IGFN1: variants seen among roughly 807,000 people sequenced by gnomAD.
IGFN1 encodes immunoglobulin like and fibronectin type III domain containing 1, also known as immunoglobulin-like and fibronectin type III domain-containing protein 1.
In IGFN1, 253 loss-of-function variants were observed where a neutral mutation model predicts 289.5. That is an observed-to-expected ratio of 0.87 (90% CI 0.79 to 0.97). IGFN1 has a LOEUF of 0.97. Among genes scored for constraint, IGFN1 ranks in the 50% least tolerant of loss-of-function variants. The pLI is 0.00. For missense variants in IGFN1, 4,470 were observed against 4,686.1 expected (o/e 0.95, Z 1.35); for synonymous variants, 1,706 against 1,788.5 (o/e 0.95, Z 1.16).
chr1:201,213,283 A>T lies in IGFN1; in HGVS notation c.8390A>T (p.Asp2797Val), dbSNP rs1667925460. 3 of 1,558,078 alleles carry T rather than the reference A, an allele frequency of 1.9e-6. No homozygotes were observed. Among genetic ancestry groups the T allele is most frequent in the African/African-American group, 2.7e-5 (2 of 73,352 alleles). The change falls in exon 12 of 24, where the codon GAT becomes GTT. Residue 2797 changes from aspartate (D) to valine (V), a missense_variant. Asp to Val is a radical substitution (Grantham distance 152, BLOSUM62 -3). This residue lies in a region of IGFN1 where 2,218 missense variants were observed against 2,114.1 expected (regional missense o/e 1.05). Coordinates refer to ENST00000335211, the MANE Select transcript of IGFN1 (RefSeq NM_001164586.2). ...EVQGPGALKE[D>V]EGQGVEEAGR... The stretch of plus-strand genomic sequence containing the variant: ...CAGGGTCCTGGGGCCCTAAAGGAGG[A>T]TGAAGGGCAGGGAGTGGAAGAGGCT...
At chr1:201,205,918 C>G (rs757120147) in intron 11 of IGFN1, among the ~76,000 whole-genome samples, 165 bp from the exon 12 acceptor site, 1 of 152,196 alleles carries the variant, frequency 6.6e-6, no homozygotes, top group Non-Finnish European at 1.5e-5. Context: ...AACACCCTGG[C>G]TTCCTTCCCA....
At position 201,212,395 on chromosome 1, in the gene IGFN1, G is replaced by T. The variant is rs1667862500; in HGVS notation, c.7502G>T (p.Gly2501Val). 1 of 1,536,852 alleles carries T rather than the reference G, an allele frequency of 6.5e-7. No individual in the cohort carries two copies. The highest frequency in any genetic ancestry group is 2.0e-5 in the Admixed American group (1 of 50,964). The change falls in exon 12 of 24, where the codon GGG becomes GTG. Residue 2501 changes from glycine to valine, a missense_variant. Gly to Val is a moderately radical substitution (Grantham distance 109). Transcript: ENST00000335211. ...KEWQDSSGTPGSSRDRGAPRV... is the reference protein window; with the variant it reads ...KEWQDSSGTPVSSRDRGAPRV... ...TGGCAAGACAGTTCTGGGACTCCAGGGTCTTCTAGAGACAGAGGGGCTCCC... is the reference window on the plus strand; with the variant it reads ...TGGCAAGACAGTTCTGGGACTCCAGTGTCTTCTAGAGACAGAGGGGCTCCC...
rs201805154 is a variant in IGFN1, at chr1:201,205,140, C to T, written c.975C>T (p.Asp325=). 7.9e-4 allele frequency: 1,226 copies of T among 1,550,920 alleles called. 3 individuals are homozygous for T. Among genetic ancestry groups the T allele is most frequent in the South Asian group, 1.4e-3 (118 of 84,058 alleles). ...AGACCCACTGTGAGGAGCAGGGTGA[C>T]GCAGTCTTTGAATGTACCCTCTCCA... The part of the protein sequence containing the change: ...LAETHCEEQG[D]AVFECTLSSP... The change falls in exon 11 of 24, where the codon GAC becomes GAT. Residue 325 remains aspartate, a synonymous_variant. Coordinates refer to ENST00000335211, the MANE Select transcript of IGFN1 (RefSeq NM_001164586.2).
At chr1:201,227,390 C>G (rs551229332) in intron 23 of IGFN1, among the ~76,000 whole-genome samples, 182 bp downstream of exon 23, 2 of 151,376 alleles carry the variant, frequency 1.3e-5, no homozygotes, top group South Asian at 4.2e-4. Context: ...CACATGTGGT[C>G]TTTATTTGCC....
Position 201,195,705 on chromosome 1 carries a change from G to C in IGFN1, c.128-134G>C, listed in dbSNP as rs561332843. On this transcript the variant is annotated intron_variant, in intron 3 of 23. Coordinates refer to ENST00000335211, the MANE Select transcript of IGFN1 (RefSeq NM_001164586.2). ...CTGAGTCCTGAGTCAAGGGGACCAA[G>C]GCCTGGCATCCTTTTTGGAAGGGGC... 4 of 957,810 alleles carry C rather than the reference G, an allele frequency of 4.2e-6. No individual in the cohort carries two copies. In the African/African-American group the frequency reaches 6.6e-5, roughly 16 times the overall value. 59.3% of individuals were successfully genotyped at this position (957,810 alleles called of 1,614,324 possible). A position where few individuals can be genotyped will look rare whatever the true frequency, so the allele number is the denominator to read the frequency against.
In IGFN1 at chr1:201,217,478, T is replaced by G. The variant is rs543070670; in HGVS notation, c.9769+18T>G. 5 of 1,613,242 alleles carry G rather than the reference T, an allele frequency of 3.1e-6. No homozygotes were observed. In the East Asian group the frequency reaches 8.9e-5, roughly 29 times the overall value. On this transcript the variant is annotated intron_variant, in intron 17 of 23. Coordinates refer to ENST00000335211, the MANE Select transcript of IGFN1 (RefSeq NM_001164586.2). Reference sequence around the variant, plus strand: ...GGTGCCTGGTGAGCATTGTCCTGGCTTCCAGAGCTTCCTTAGACCCCTCCT... The same window carrying G: ...GGTGCCTGGTGAGCATTGTCCTGGCGTCCAGAGCTTCCTTAGACCCCTCCT...
Position 201,225,954 on chromosome 1 carries a change from A to C in IGFN1, c.10617A>C (p.Ser3539=). Residue 3539 remains serine (S), a synonymous_variant, in exon 22 of 24, where the codon TCA becomes TCC. Transcript: ENST00000335211. The stretch of plus-strand genomic sequence containing the variant: ...ACTACGCGGTGTTCACACGCTCCTC[A>C]GCGCACGGTCCCTGGCACGAGGCAG... The part of the protein sequence containing the change: ...PLHYAVFTRS[S]AHGPWHEAAD... 1 of 1,595,082 alleles carries C rather than the reference A, an allele frequency of 6.3e-7. No homozygotes were observed. The highest frequency in any genetic ancestry group is 8.5e-7 in the Non-Finnish European group (1 of 1,170,406).
chr1:201,213,030 C>T lies in IGFN1; in HGVS notation c.8137C>T (p.Leu2713=), dbSNP rs1045923698. 9 of 1,551,482 alleles carry T rather than the reference C, an allele frequency of 5.8e-6. No homozygotes were observed. The highest frequency in any genetic ancestry group is 6.1e-6 in the Non-Finnish European group (7 of 1,146,964). ...SSVDAEDSGI[L]GKGNSTEWGN... is the part of the protein sequence containing the mutation. ...TGTTGATGCAGAGGACTCAGGTATC[C>T]TGGGCAAGGGGAATTCTACTGAGTG... Residue 2713 remains leucine (L), a synonymous_variant, in exon 12 of 24, where the codon CTG becomes TTG. Transcript: ENST00000335211.
chr1:201,227,021 GC>G lies in IGFN1; in HGVS notation c.10930del (p.His3644ThrfsTer61). ...MSCAVQGSPR[P>X]HVTWFKNDRS... ...GCTGTGCCGTGCAGGGCTCGCCCCG[GC>G]CCCACGTCACCTGGTTCAAGAATGA... is the stretch of plus-strand genomic sequence containing the variant. On this transcript the variant is annotated frameshift_variant, in exon 23 of 24. Transcript: ENST00000335211. LOFTEE classifies it high-confidence loss of function. 1.2e-6 allele frequency: 2 copies of G among 1,613,506 alleles called. No individual in the cohort carries two copies. The highest frequency in any genetic ancestry group is 2.7e-5 in the African/African-American group (2 of 75,060).
intron 16 of IGFN1, among the ~76,000 whole-genome samples, chr1:201,216,999 C>G (rs1180475249): frequency 6.6e-6 from 1 of 152,124 alleles, no homozygotes; most frequent in African/African-American, 2.4e-5. Context: ...TCGCGGGTCC[C>G]AGGGAGAGAG....
intron 1 of IGFN1, among the ~76,000 whole-genome samples, chr1:201,192,886 G>T (rs576653191): frequency 2.6e-5 from 4 of 152,322 alleles, no homozygotes; most frequent in Non-Finnish European, 5.9e-5. Flanking sequence ...GAATGGGTCT[G>T]ATTTCCTCAG....
In IGFN1 at chr1:201,217,180, C is replaced by A. The variant is rs563193000; in HGVS notation, c.9596-107C>A. On this transcript the variant is annotated intron_variant, in intron 16 of 23. Transcript: ENST00000335211. ...AGCCCCGACACTCACCAGGACAGGG[C>A]GGAGTGTGGCCTGTCCCAGATGCCT... 1.5e-4 allele frequency: 140 copies of A among 957,552 alleles called. 1 individual carries two copies. The African/African-American group carries it at 1.6e-3, about 11-fold the overall frequency. 59.3% of individuals were successfully genotyped at this position (957,552 alleles called of 1,614,324 possible). A position where few individuals can be genotyped will look rare whatever the true frequency, so the allele number is the denominator to read the frequency against.
rs754932863 is a variant in IGFN1 at position 201,228,399 on chromosome 1, G to GCCTCA, written c.*8_*12dup. On this transcript the variant is annotated 3_prime_UTR_variant, in exon 24 of 24. Transcript: ENST00000335211. ...TGTGTCTTGCAGAACCCAGCACCTA[G>GCCTCA]CCTCACCTCACCCTGGGATGGTCCT... 1.2e-6 allele frequency: 2 copies of GCCTCA among 1,614,048 alleles called. No individual in the cohort carries two copies. Among genetic ancestry groups the GCCTCA allele is most frequent in the South Asian group, 2.2e-5 (2 of 91,086 alleles).
At chr1:201,226,813 C>G in intron 22 of IGFN1, 69 bp from the exon 23 acceptor site, 2 of 1,239,186 alleles carry the variant, frequency 1.6e-6, no homozygotes, top group Non-Finnish European at 1.1e-6. Flanking sequence ...ACTCTTTACC[C>G]AGACCCGGGT....
chr1:201,222,145 C>T (rs566034582), intron 19 of IGFN1: 1 of 167,402 alleles, frequency 6.0e-6, no homozygotes, highest in African/African-American at 2.4e-5. Flanking sequence ...CCGCTCAGCT[C>T]CCATGGTTCA....
chr1:201,212,787 C>T lies in IGFN1; in HGVS notation c.7894C>T (p.Gln2632Ter). 1 of 1,551,494 alleles carries T rather than the reference C, an allele frequency of 6.4e-7. No individual in the cohort carries two copies. Among genetic ancestry groups the T allele is most frequent in the Non-Finnish European group, 8.7e-7 (1 of 1,146,926 alleles). ...SNAWAPDWEN[Q>*]GFSQGSIDAG... ...TGCTTGGGCTCCTGATTGGGAAAACCAGGGGTTTAGCCAAGGCAGCATAGA... is the reference window on the plus strand; with the variant it reads ...TGCTTGGGCTCCTGATTGGGAAAACTAGGGGTTTAGCCAAGGCAGCATAGA... Residue 2632 changes from glutamine to a stop codon, truncating the protein, a stop_gained, in exon 12 of 24, where the codon CAG becomes TAG. Coordinates refer to ENST00000335211, the MANE Select transcript of IGFN1 (RefSeq NM_001164586.2). LOFTEE classifies it high-confidence loss of function.
rs1571451982 is a variant in IGFN1, at chr1:201,207,177, G to C, written c.2284G>C (p.Gly762Arg). 1.3e-6 allele frequency: 2 copies of C among 1,536,846 alleles called. No individual in the cohort carries two copies. The highest frequency in any genetic ancestry group is 1.2e-5 in the South Asian group (1 of 84,050). Residue 762 changes from glycine (G) to arginine (R), a missense_variant, in exon 12 of 24, where the codon GGG (glycine) becomes CGG (arginine). Gly to Arg is a moderately radical substitution (Grantham distance 125, BLOSUM62 -2). Transcript: ENST00000335211. ...GCAGGAGGCAGATGGTATATGCCGGGGGGAGTCTGTAGTTACAGGAAGTGC... is the reference window on the plus strand; with the variant it reads ...GCAGGAGGCAGATGGTATATGCCGGCGGGAGTCTGTAGTTACAGGAAGTGC... ...SLQEADGICRGESVVTGSAYK... is the reference protein window; with the variant it reads ...SLQEADGICRRESVVTGSAYK...
chr1:201,216,857 C>G (rs1421072229), intron 16 of IGFN1, 104 bp downstream of exon 16: 2 of 982,822 alleles, frequency 2.0e-6, no homozygotes, highest in African/African-American at 3.3e-5. Flanking sequence ...AGCCTGTGCT[C>G]GGGGCTTCGG....
In IGFN1 at chr1:201,215,036, C is replaced by G; in HGVS notation, c.8877C>G (p.Ile2959Met). Residue 2959 changes from isoleucine (I) to methionine (M), a missense_variant, in exon 14 of 24, where the codon ATC becomes ATG. Physicochemically the swap from Ile to Met is conservative, Grantham distance 10. Transcript: ENST00000335211. ...AGCTCACCACCCAGGATGGAGTCATCTTTAAGCAAGACGGTCTCGTGCACA... is the reference window on the plus strand; with the variant it reads ...AGCTCACCACCCAGGATGGAGTCATGTTTAAGCAAGACGGTCTCGTGCACA... ...GVKLTTQDGV[I>M]FKQDGLVHSL... 2 of 1,614,082 alleles carry G rather than the reference C, an allele frequency of 1.2e-6. No homozygotes were observed. Among genetic ancestry groups the G allele is most frequent in the Non-Finnish European group, 1.7e-6 (2 of 1,179,992 alleles).
Sources: gnomAD v4.1 joint callset for allele counts (sites outside exome capture counted in the v4.1 genomes callset) on GRCh38, gnomAD v4.1.1 for gene constraint, gnomAD v4.1.1 regional missense constraint, MANE v1.5 for transcripts, NCBI Gene and HGNC (gene_info 2026-07-23, HGNC 2026-07-21) for gene names.